CRACR2A: variants seen among roughly 807,000 people sequenced by gnomAD.
CRACR2A encodes EF-hand calcium-binding domain-containing protein 4B.
CRACR2A carries 79 observed loss-of-function variants against 90.5 expected under a neutral mutation model. The ratio of observed to expected loss-of-function variants is 0.87; its 90% confidence interval spans 0.73 to 1.05. CRACR2A has a LOEUF of 1.05. CRACR2A is among the 50% of genes least tolerant of loss of function. CRACR2A has a pLI of 0.00. For synonymous variants in CRACR2A, 338 were observed against 356.7 expected (o/e 0.95, Z 0.59); for missense variants, 823 against 897.2 (o/e 0.92, Z 1.06).
chr12:3,665,217 G>A (rs1253107400), intron 7 of CRACR2A, among the ~76,000 whole-genome samples: 1 of 152,262 alleles, frequency 6.6e-6, no homozygotes, highest in Non-Finnish European at 1.5e-5. Context: ...GTTAGCAACA[G>A]TCATGAGCAC....
intron 1 of CRACR2A, among the ~76,000 whole-genome samples, chr12:3,740,114 CA>C: frequency 6.6e-6 from 1 of 152,150 alleles, no homozygotes; most frequent in African/African-American, 2.4e-5. Context: ...CATCCTTGCC[CA>C]GGGCTCTCCT....
At chr12:3,623,492 G>A (rs948188657) in intron 17 of CRACR2A, among the ~76,000 whole-genome samples, 3 of 152,124 alleles carry the variant, frequency 2.0e-5, no homozygotes, top group African/African-American at 7.2e-5. Context: ...ACAGGCTGGC[G>A]TTCTAATTTC....
At chr12:3,624,838 T>TC (rs1260221629) in intron 17 of CRACR2A, among the ~76,000 whole-genome samples, 4 of 152,312 alleles carry the variant, frequency 2.6e-5, no homozygotes, top group African/African-American at 9.6e-5. Flanking sequence ...TTTAAGAAGT[T>TC]CCCCAGGAGA....
At chr12:3,678,492 G>A (rs779646086) in intron 6 of CRACR2A, among the ~76,000 whole-genome samples, 3 of 152,160 alleles carry the variant, frequency 2.0e-5, no homozygotes, top group African/African-American at 4.8e-5. Context: ...TAGAGACCCA[G>A]GAGAGGTAAA....
intron 3 of CRACR2A, among the ~76,000 whole-genome samples, chr12:3,702,299 C>T (rs1055969218): frequency 2.0e-5 from 3 of 152,090 alleles, no homozygotes; most frequent in Non-Finnish European, 4.4e-5. Flanking sequence ...GAGATTTTAG[C>T]TAGCTCAATG....
At chr12:3,706,353 G>C (rs1945921266) in intron 3 of CRACR2A, among the ~76,000 whole-genome samples, 1 of 152,232 alleles carries the variant, frequency 6.6e-6, no homozygotes, top group Admixed American at 6.5e-5. Context: ...AACCCAGCCA[G>C]AAATGAGACT....
chr12:3,685,138 T>C (rs1945529154), intron 4 of CRACR2A, among the ~76,000 whole-genome samples: 1 of 152,230 alleles, frequency 6.6e-6, no homozygotes, highest in Admixed American at 6.5e-5. Flanking sequence ...CATTGCCATA[T>C]GTCCTCCAGG....
rs1945751358 is a variant in CRACR2A at position 3,696,972 on chromosome 12, A to G, written c.28T>C (p.Ser10Pro). The change falls in exon 4 of 20, where the codon TCC becomes CCC. Residue 10 changes from serine to proline, a missense_variant. By Grantham distance (74) the Ser-to-Pro change is moderately conservative. Coordinates refer to ENST00000440314, the MANE Select transcript of CRACR2A (RefSeq NM_001144958.2). ...CCCTGACCAAGTCTCTGGGGTCTGG[A>G]GACTACCCTCCCGTCAGGGGCAGCC... MAAPDGRVV[S>P]RPQRLGQGSG... is the part of the protein sequence containing the mutation. 1.9e-6 allele frequency: 3 copies of G among 1,613,592 alleles called. No individual in the cohort carries two copies. Among genetic ancestry groups the G allele is most frequent in the South Asian group, 1.1e-5 (1 of 91,030 alleles).
chr12:3,647,175 C>T (rs1205480142), intron 11 of CRACR2A, among the ~76,000 whole-genome samples: 3 of 150,208 alleles, frequency 2.0e-5, no homozygotes, highest in African/African-American at 7.4e-5. Context: ...CCCTACCCTC[C>T]CCTGACATTC....
At chr12:3,698,119 T>A (rs1227544251) in intron 3 of CRACR2A, among the ~76,000 whole-genome samples, 1 of 152,198 alleles carries the variant, frequency 6.6e-6, no homozygotes, top group African/African-American at 2.4e-5. Context: ...TGTTATGAAT[T>A]ATAAATGTTA....
chr12:3,677,466 C>T (rs1049684515), intron 6 of CRACR2A, among the ~76,000 whole-genome samples: 5 of 152,190 alleles, frequency 3.3e-5, no homozygotes, highest in African/African-American at 9.7e-5. Context: ...CTCAGAGTCA[C>T]GTCTGGTGGA....
At chr12:3,632,701 G>T (rs1339045318) in intron 15 of CRACR2A, among the ~76,000 whole-genome samples, 19 of 152,194 alleles carry the variant, frequency 1.2e-4, no homozygotes, top group Admixed American at 1.2e-3. Flanking sequence ...TCAGTTTCCT[G>T]ATCTGTCGAC....
intron 1 of CRACR2A, among the ~76,000 whole-genome samples, chr12:3,736,615 G>T (rs1271732198): frequency 6.6e-6 from 1 of 152,068 alleles, no homozygotes; most frequent in South Asian, 2.1e-4. Context: ...ACTGTGCAGA[G>T]GGAGCAGAAA....
At chr12:3,654,111 T>C (rs1253759204) in intron 10 of CRACR2A, 101 bp downstream of exon 10, 1 of 1,407,332 alleles carries the variant, frequency 7.1e-7, no homozygotes, top group African/African-American at 1.4e-5. Context: ...AATCCTCTTT[T>C]CACAGGCAAG....
intron 10 of CRACR2A, among the ~76,000 whole-genome samples, chr12:3,650,481 TGAA>T (rs1944774940): frequency 6.6e-6 from 1 of 152,172 alleles, no homozygotes; most frequent in African/African-American, 2.4e-5. Flanking sequence ...AATTTCAACT[TGAA>T]GTAAAACAAT....
At chr12:3,668,204 C>T (rs758529) in intron 7 of CRACR2A, among the ~76,000 whole-genome samples, 22,476 of 152,112 alleles carry the variant, frequency 0.15, 1,842 homozygotes, top group South Asian at 0.26. Flanking sequence ...CACCTAGAGT[C>T]CTCGCCGAGA....
intron 4 of CRACR2A, among the ~76,000 whole-genome samples, chr12:3,687,557 A>C (rs765872736): frequency 6.6e-6 from 1 of 152,202 alleles, no homozygotes; most frequent in Non-Finnish European, 1.5e-5. Context: ...ATAGTATTCC[A>C]TGGTGTATAT....
intron 7 of CRACR2A, among the ~76,000 whole-genome samples, chr12:3,668,746 T>C (rs1056588370): frequency 6.6e-6 from 1 of 152,138 alleles, no homozygotes; most frequent in Admixed American, 6.5e-5. Context: ...TAAGGTGCAC[T>C]CCCTCCTGGA....
intron 1 of CRACR2A, among the ~76,000 whole-genome samples, chr12:3,747,889 C>T (rs1011922390): frequency 6.7e-6 from 1 of 149,194 alleles, no homozygotes. Context: ...GGGGTGCACC[C>T]AGAAGGGCAC....
Sources: allele counts gnomAD v4.1 joint callset (sites outside exome capture counted in the v4.1 genomes callset), GRCh38; gene constraint gnomAD v4.1.1; transcripts MANE v1.5; gene names NCBI Gene and HGNC (gene_info 2026-07-23, HGNC 2026-07-21).